The following RASGRF2 variants were observed in gnomAD, a reference collection of about 807,000 sequenced individuals.
RASGRF2 encodes the protein Ras protein specific guanine nucleotide releasing factor 2.
RASGRF2 carries 76 observed loss-of-function variants against 151.0 expected under a neutral mutation model. The ratio of observed to expected loss-of-function variants is 0.50; its 90% confidence interval spans 0.42 to 0.61. RASGRF2 has a LOEUF of 0.61. RASGRF2 is among the 20% of genes least tolerant of loss of function. The pLI, the probability that RASGRF2 is intolerant of heterozygous loss-of-function variation, is 0.00. For synonymous variants in RASGRF2, 504 were observed against 566.5 expected (o/e 0.89, Z 1.57); for missense variants, 1,148 against 1,564.6 (o/e 0.73, Z 4.49).
intron 17 of RASGRF2, among the ~76,000 whole-genome samples, chr5:81,164,145 T>C (rs967035712): frequency 3.3e-5 from 5 of 152,164 alleles, no homozygotes; most frequent in African/African-American, 1.2e-4. Context: ...GTTTGAACTC[T>C]AAAAATGATG....
chr5:80,969,834 T>C (rs1209446297), intron 1 of RASGRF2, among the ~76,000 whole-genome samples: 3 of 113,508 alleles, frequency 2.6e-5, no homozygotes, highest in Non-Finnish European at 6.2e-5. Context: ...TTTTTTTTTT[T>C]TTTTTTTTTG....
chr5:81,132,921 A>G (rs1259273844), intron 17 of RASGRF2, among the ~76,000 whole-genome samples: 4 of 152,220 alleles, frequency 2.6e-5, no homozygotes, highest in Non-Finnish European at 5.9e-5. Context: ...AGAGGCCCAT[A>G]CAAATTGAGA....
At chr5:81,086,002 G>A in intron 8 of RASGRF2, 91 bp downstream of exon 8, 5 of 1,536,048 alleles carry the variant, frequency 3.3e-6, no homozygotes, top group Non-Finnish European at 4.4e-6. Context: ...TAAGGAACAA[G>A]AAGCAAAACA....
intron 18 of RASGRF2, among the ~76,000 whole-genome samples, chr5:81,187,284 T>C (rs1755046207): frequency 6.6e-6 from 1 of 152,244 alleles, no homozygotes. Flanking sequence ...CTAGCATGGC[T>C]AAAAAGCTGG....
intron 1 of RASGRF2, among the ~76,000 whole-genome samples, chr5:81,031,512 A>G (rs1179821055): frequency 6.6e-6 from 1 of 152,244 alleles, no homozygotes; most frequent in Admixed American, 6.5e-5. Flanking sequence ...AAACCGCTCA[A>G]CTACATGGAA....
chr5:81,154,073 C>G (rs970888059), intron 17 of RASGRF2, among the ~76,000 whole-genome samples: 1 of 151,906 alleles, frequency 6.6e-6, no homozygotes, highest in Non-Finnish European at 1.5e-5. Context: ...CAAAAACTGA[C>G]AGAATTGAAA....
chr5:81,042,790 T>C, intron 1 of RASGRF2, 87 bp from the exon 2 acceptor site: 2 of 910,284 alleles, frequency 2.2e-6, no homozygotes, highest in Middle Eastern at 3.5e-4. Context: ...TTTGTAAATA[T>C]GTACCCTTTG....
intron 17 of RASGRF2, among the ~76,000 whole-genome samples, chr5:81,161,050 C>G (rs989034122): frequency 6.6e-6 from 1 of 152,280 alleles, no homozygotes; most frequent in South Asian, 2.1e-4. Context: ...CCAACCTATA[C>G]TAGAGTAGGT....
chr5:81,207,703 A>T (rs1755541815), intron 21 of RASGRF2, among the ~76,000 whole-genome samples: 1 of 152,242 alleles, frequency 6.6e-6, no homozygotes, highest in Non-Finnish European at 1.5e-5. Context: ...GAAGTGAATG[A>T]TCAGGAATGC....
In RASGRF2 at chr5:80,979,380, A is replaced by G. The variant is rs143563845; in HGVS notation, c.288+18354A>G. 6.6e-3 allele frequency among the ~76,000 whole-genome samples: 999 copies of G among 152,296 alleles called. 8 individuals are homozygous for G. The highest frequency in any genetic ancestry group is 0.023 in the African/African-American group (953 of 41,572). ...GTGCATTTTGGTGATATTGGGGGTG[A>G]TATTCATTGTAATTAAAGTGCCTAG... is the stretch of plus-strand genomic sequence containing the variant. On this transcript the variant is annotated intron_variant, in intron 1 of 26. Transcript: ENST00000265080.
intron 9 of RASGRF2, among the ~76,000 whole-genome samples, chr5:81,091,590 T>C (rs1752390436): frequency 6.6e-6 from 1 of 152,134 alleles, no homozygotes; most frequent in Non-Finnish European, 1.5e-5. Flanking sequence ...ACCTTTCAAT[T>C]TCTGTTAAAA....
chr5:81,062,965 C>A (rs930560237), intron 2 of RASGRF2, among the ~76,000 whole-genome samples: 7 of 151,870 alleles, frequency 4.6e-5, no homozygotes, highest in African/African-American at 1.7e-4. Context: ...AATTGTTATG[C>A]AGGCTCAAAA....
chr5:81,115,555 A>C (rs1753127861), intron 15 of RASGRF2, among the ~76,000 whole-genome samples: 2 of 152,230 alleles, frequency 1.3e-5, no homozygotes. Context: ...GCACTGCGGT[A>C]GATAGGAGAG....
intron 17 of RASGRF2, 77 bp downstream of exon 17, chr5:81,127,240 A>T: frequency 7.1e-7 from 1 of 1,404,888 alleles, no homozygotes. Context: ...CAGTGTCTTG[A>T]TGAGACACTC....
intron 1 of RASGRF2, among the ~76,000 whole-genome samples, chr5:80,985,926 T>G (rs886441094): frequency 2.7e-5 from 4 of 150,114 alleles, no homozygotes; most frequent in Admixed American, 6.6e-5. Context: ...GGTCTTTAGG[T>G]GTGTGTGTGT....
intron 2 of RASGRF2, among the ~76,000 whole-genome samples, chr5:81,044,837 G>A (rs1448444225): frequency 1.3e-5 from 2 of 151,848 alleles, no homozygotes; most frequent in African/African-American, 4.8e-5. Context: ...GTCTTTTCTT[G>A]TTCTATTTTT....
At chr5:81,068,397 T>C (rs972982469) in intron 3 of RASGRF2, among the ~76,000 whole-genome samples, 1 of 152,076 alleles carries the variant, frequency 6.6e-6, no homozygotes, top group Non-Finnish European at 1.5e-5. Flanking sequence ...GTGCTTTTTT[T>C]TTTTTTTTTG....
rs367660017 is a variant in RASGRF2, at chr5:81,064,644, T to C, written c.396-3388T>C. Among the ~76,000 whole-genome samples, 45 of 152,320 alleles carry C rather than the reference T, an allele frequency of 3.0e-4. 1 individual carries two copies. The South Asian group carries it at 8.7e-3, about 29-fold the overall frequency. ...TGTGGGACATTATGGGTAGTTGGTC[T>C]GGGCTTACTCTGTGACTGTGAATGC... On this transcript the variant is annotated intron_variant, in intron 2 of 26. Transcript: ENST00000265080.
chr5:81,224,073 A>G (rs1755920057), intron 26 of RASGRF2, among the ~76,000 whole-genome samples: 1 of 152,230 alleles, frequency 6.6e-6, no homozygotes, highest in Admixed American at 6.5e-5. Context: ...CAACATTTGC[A>G]ACATATACAA....
Sources: allele counts gnomAD v4.1 joint callset (sites outside exome capture counted in the v4.1 genomes callset), GRCh38; gene constraint gnomAD v4.1.1; transcripts MANE v1.5; gene names NCBI Gene and HGNC (gene_info 2026-07-23, HGNC 2026-07-21).